CHD7: variants seen among roughly 807,000 people sequenced by gnomAD.
CHD7 encodes ATP-dependent chromatin remodeler CHD7.
A neutral mutation model predicts 307.3 loss-of-function variants in CHD7; 24 were observed. That is an observed-to-expected ratio of 0.08 (90% CI 0.06 to 0.11). The LOEUF (loss-of-function observed/expected upper bound fraction) is 0.11. Among genes scored for constraint, CHD7 ranks in the 10% least tolerant of loss-of-function variants. The probability of loss-of-function intolerance (pLI) is 1.00; values close to 1 mark genes in which losing one functional copy is unlikely to be tolerated. For missense variants in CHD7, 3,106 were observed against 3,727.1 expected (o/e 0.83, Z 4.34); for synonymous variants, 1,363 against 1,349.9 (o/e 1.01, Z -0.21).
intron 4 of CHD7, 68 bp downstream of exon 4, chr8:60,795,195 T>C: frequency 6.9e-7 from 1 of 1,451,166 alleles, no homozygotes; most frequent in Non-Finnish European, 9.5e-7. Context: ...ATGTATGAAG[T>C]ACACAAGACC....
intron 3 of CHD7, among the ~76,000 whole-genome samples, chr8:60,785,014 C>G (rs1294205641): frequency 6.6e-6 from 1 of 152,058 alleles, no homozygotes; most frequent in Admixed American, 6.6e-5. Flanking sequence ...ACAGCGAAAA[C>G]ATTTGTGGGT....
intron 6 of CHD7, among the ~76,000 whole-genome samples, chr8:60,802,389 C>T (rs540292408): frequency 8.2e-4 from 125 of 152,280 alleles, no homozygotes; most frequent in Non-Finnish European, 1.2e-3. Flanking sequence ...TGCAGTTTTT[C>T]GTGTCTCTAG....
chr8:60,736,849 A>G (rs975765900), intron 1 of CHD7, among the ~76,000 whole-genome samples: 1 of 152,200 alleles, frequency 6.6e-6, no homozygotes, highest in African/African-American at 2.4e-5. Context: ...CTAGGTTTCT[A>G]GTCCACACCT....
chr8:60,691,260 A>G (rs543962512), intron 1 of CHD7, among the ~76,000 whole-genome samples: 13 of 152,242 alleles, frequency 8.5e-5, no homozygotes, highest in African/African-American at 3.1e-4. Context: ...ATCAACAATA[A>G]TAGTGTCTTT....
intron 1 of CHD7, among the ~76,000 whole-genome samples, chr8:60,714,738 C>T (rs762763055): frequency 2.0e-5 from 3 of 152,216 alleles, no homozygotes; most frequent in African/African-American, 4.8e-5. Flanking sequence ...GGGAGGCCTT[C>T]TCTGGATGGA....
intron 1 of CHD7, among the ~76,000 whole-genome samples, chr8:60,710,711 C>T (rs1485834776): frequency 6.6e-6 from 1 of 152,132 alleles, no homozygotes; most frequent in Non-Finnish European, 1.5e-5. Context: ...CAATGTGTAC[C>T]TCAGAGAGCA....
Position 60,714,406 on chromosome 8 carries a change from G to GCCCCCCCCCCCCC in CHD7, c.-174-26844_-174-26832dup, listed in dbSNP as rs71245516. ...CTGACAACATGGCGGCCGGGAGAAGGCCCCCCCCCCCCCCCCCCCCCGCCC... is the reference window on the plus strand; with the variant it reads ...CTGACAACATGGCGGCCGGGAGAAGGCCCCCCCCCCCCCCCCCCCCCCCCCCCCCCCCCCGCCC... On this transcript the variant is annotated intron_variant, in intron 1 of 37. Transcript: ENST00000423902. Among the ~76,000 whole-genome samples the GCCCCCCCCCCCCC allele has an allele frequency of 1.8e-3, 32 of 17,626 alleles. 10 individuals are homozygous for GCCCCCCCCCCCCC. The highest frequency in any genetic ancestry group is 2.1e-3 in the Non-Finnish European group (17 of 8,178). The allele number at this position is 17,626 out of a possible 152,430, so 11.6% of individuals were successfully genotyped here.
At chr8:60,795,276 T>C in intron 4 of CHD7, 149 bp downstream of exon 4, 1 of 758,654 alleles carries the variant, frequency 1.3e-6, no homozygotes, top group Non-Finnish European at 2.0e-6. Flanking sequence ...TCCATAGCGA[T>C]GTAGGGAGGG....
At chr8:60,737,671 A>G (rs1355101846) in intron 1 of CHD7, among the ~76,000 whole-genome samples, 1 of 152,220 alleles carries the variant, frequency 6.6e-6, no homozygotes, top group Non-Finnish European at 1.5e-5. Context: ...ATGCTGGCCA[A>G]TAGGGCACTG....
At chr8:60,833,148 T>G (rs550529093) in intron 15 of CHD7, among the ~76,000 whole-genome samples, 1 of 152,348 alleles carries the variant, frequency 6.6e-6, no homozygotes, top group African/African-American at 2.4e-5. Context: ...ATTCTTTAAT[T>G]TGGGAGATTA....
chr8:60,745,856 C>A (rs1386555373), intron 2 of CHD7, among the ~76,000 whole-genome samples: 1 of 152,154 alleles, frequency 6.6e-6, no homozygotes, highest in Non-Finnish European at 1.5e-5. Flanking sequence ...GGAAAAATAG[C>A]ACCCAGCACA....
chr8:60,800,512 A>G lies in CHD7; in HGVS notation c.2363A>G (p.Gln788Arg). The G allele has an allele frequency of 1.2e-6, 2 of 1,613,730 alleles. No individual in the cohort carries two copies. The highest frequency in any genetic ancestry group is 1.7e-6 in the Non-Finnish European group (2 of 1,179,722). Residue 788 changes from glutamine (Q) to arginine (R), a missense_variant, in exon 5 of 38, where the codon CAG becomes CGG. This residue lies in a region of CHD7 where 998 missense variants were observed against 1,004.5 expected (regional missense o/e 0.99). Transcript: ENST00000423902. The stretch of plus-strand genomic sequence containing the variant: ...AGGGATTCCCCCTCCAACACCTCCC[A>G]GTCAGAACAGCAGGTTAGTACCAGA... ...AGRDSPSNTSQSEQQESVDAE... is the reference protein window; with the variant it reads ...AGRDSPSNTSRSEQQESVDAE...
chr8:60,709,984 TA>T (rs1200720619), intron 1 of CHD7, among the ~76,000 whole-genome samples: 1 of 152,216 alleles, frequency 6.6e-6, no homozygotes, highest in Admixed American at 6.5e-5. Flanking sequence ...GGAATACTTT[TA>T]TTTTTTTAAA....
At chr8:60,708,284 A>G (rs540525900) in intron 1 of CHD7, among the ~76,000 whole-genome samples, 1 of 152,344 alleles carries the variant, frequency 6.6e-6, no homozygotes, top group Non-Finnish European at 1.5e-5. Flanking sequence ...CAAGTCACCC[A>G]GGAATACAAT....
At chr8:60,821,766 C>G (rs1353881736) in intron 9 of CHD7, 24 bp from the exon 10 acceptor site, 3 of 1,547,738 alleles carry the variant, frequency 1.9e-6, no homozygotes, top group Middle Eastern at 1.7e-4. Flanking sequence ...GAATCCAATT[C>G]TGATTTATTT....
At chr8:60,824,943 C>G (rs974821882) in intron 13 of CHD7, 6 of 152,154 alleles carry the variant, frequency 3.9e-5, no homozygotes, top group African/African-American at 1.4e-4. Flanking sequence ...CTTTTCACTC[C>G]ATAGTTTATA....
At chr8:60,793,139 CAGTT>C (rs1811851340) in intron 3 of CHD7, among the ~76,000 whole-genome samples, 1 of 152,012 alleles carries the variant, frequency 6.6e-6, no homozygotes, top group South Asian at 2.1e-4. Flanking sequence ...TAATTTGTGG[CAGTT>C]AGAGCGGAAA....
rs542570441 is a variant in CHD7, at chr8:60,679,977, C to T, written c.-175+895C>T. On this transcript the variant is annotated intron_variant, in intron 1 of 37. Coordinates refer to ENST00000423902, the MANE Select transcript of CHD7 (RefSeq NM_017780.4). ...TGCGCTAGGAGGAGAAGAAAGGGAGCGGGGCCGGGGCGAGCGCCGGGAGGC... is the reference window on the plus strand; with the variant it reads ...TGCGCTAGGAGGAGAAGAAAGGGAGTGGGGCCGGGGCGAGCGCCGGGAGGC... Among the ~76,000 whole-genome samples, 569 of 151,866 alleles carry T rather than the reference C, an allele frequency of 3.7e-3. 7 individuals carry two copies. The highest frequency in any genetic ancestry group is 3.7e-3 in the Non-Finnish European group (251 of 67,882).
At chr8:60,687,789 A>C (rs780405793) in intron 1 of CHD7, among the ~76,000 whole-genome samples, 2 of 152,212 alleles carry the variant, frequency 1.3e-5, no homozygotes, top group African/African-American at 4.8e-5. Context: ...GGAGACTAAA[A>C]GGGATGAGAA....
Sources: allele counts gnomAD v4.1 joint callset (sites outside exome capture counted in the v4.1 genomes callset), GRCh38; gene constraint gnomAD v4.1.1; regional missense constraint gnomAD v4.1.1; transcripts MANE v1.5; gene names NCBI Gene and HGNC (gene_info 2026-07-23, HGNC 2026-07-21).